Variants in DACH1 observed in about 807,000 individuals in gnomAD.
The protein encoded by DACH1 is dachshund homolog 1.
A neutral mutation model predicts 54.2 loss-of-function variants in DACH1; 12 were observed. The observed-to-expected ratio is 0.22, with a 90% CI of 0.14 to 0.36. DACH1 has a LOEUF of 0.36. Among genes scored for constraint, DACH1 ranks in the 10% least tolerant of loss-of-function variants. The probability of loss-of-function intolerance (pLI) is 1.00; values close to 1 mark genes in which losing one functional copy is unlikely to be tolerated. For missense variants in DACH1, 805 were observed against 929.8 expected (o/e 0.87, Z 1.75); for synonymous variants, 386 against 366.2 (o/e 1.05, Z -0.62).
chr13:71,796,246 A>C (rs980590695), intron 1 of DACH1, among the ~76,000 whole-genome samples: 2 of 152,194 alleles, frequency 1.3e-5, no homozygotes, highest in African/African-American at 4.8e-5. Context: ...AATATCATTA[A>C]AACTTAAAGG....
intron 1 of DACH1, among the ~76,000 whole-genome samples, chr13:71,774,527 A>G (rs1359965515): frequency 1.3e-5 from 2 of 152,152 alleles, no homozygotes; most frequent in Non-Finnish European, 2.9e-5. Context: ...ACACCTCCTG[A>G]GTGCATATTA....
intron 6 of DACH1, among the ~76,000 whole-genome samples, chr13:71,504,790 T>A (rs1344485799): frequency 6.6e-6 from 1 of 152,202 alleles, no homozygotes; most frequent in Non-Finnish European, 1.5e-5. Context: ...GCTACCATTA[T>A]TACTACTTGA....
At chr13:71,523,968 T>G (rs1484405080) in intron 6 of DACH1, among the ~76,000 whole-genome samples, 2 of 152,130 alleles carry the variant, frequency 1.3e-5, no homozygotes, top group Middle Eastern at 6.3e-3. Flanking sequence ...TTAGTTTATA[T>G]TCAGCAAGTA....
In DACH1 at chr13:71,754,065, A is replaced by C. The variant is rs555964027; in HGVS notation, c.849-72155T>G. Among the ~76,000 whole-genome samples the C allele has an allele frequency of 7.0e-4, 106 of 152,328 alleles. 1 individual carries two copies. The highest frequency in any genetic ancestry group is 1.4e-3 in the Non-Finnish European group (92 of 68,026). On this transcript the variant is annotated intron_variant, in intron 1 of 10. Coordinates refer to ENST00000613252, the MANE Select transcript of DACH1 (RefSeq NM_080759.6). ...TTATCTTTTTTAATGTACTCTATAC[A>C]TCATCCACTGGAGTATTACTTTTAT...
At chr13:71,828,576 C>T (rs1272068707) in intron 1 of DACH1, among the ~76,000 whole-genome samples, 1 of 151,948 alleles carries the variant, frequency 6.6e-6, no homozygotes, top group Admixed American at 6.6e-5. Flanking sequence ...GAAACATTAG[C>T]GTAAGCATAA....
rs181579973 is a variant in DACH1, at chr13:71,815,324, G to T, written c.848+50598C>A. ...AGTATTCATGTTGTTCTTAAAAAAG[G>T]GGGTGGGCGGGGGGAGTAGCTGAGC... On this transcript the variant is annotated intron_variant, in intron 1 of 10. Transcript: ENST00000613252. Among the ~76,000 whole-genome samples, 56 of 151,264 alleles carry T rather than the reference G, an allele frequency of 3.7e-4. 1 individual carries two copies. The highest frequency in any genetic ancestry group is 6.8e-3 in the Middle Eastern group (2 of 294).
chr13:71,828,094 C>T (rs567843806), intron 1 of DACH1, among the ~76,000 whole-genome samples: 2 of 152,062 alleles, frequency 1.3e-5, no homozygotes, highest in East Asian at 3.9e-4. Context: ...AAATTGATTG[C>T]CTTTAATGCT....
At chr13:71,544,404 T>A (rs1883333563) in intron 6 of DACH1, among the ~76,000 whole-genome samples, 1 of 152,172 alleles carries the variant, frequency 6.6e-6, no homozygotes, top group South Asian at 2.1e-4. Context: ...TACGTCCTTT[T>A]GTTTAACATT....
chr13:71,654,232 A>T (rs1878885821), intron 2 of DACH1, among the ~76,000 whole-genome samples: 1 of 151,502 alleles, frequency 6.6e-6, no homozygotes, highest in African/African-American at 2.4e-5. Context: ...TTTACTAAAA[A>T]TACAAAAATA....
At chr13:71,755,218 C>T (rs1885094261) in intron 1 of DACH1, among the ~76,000 whole-genome samples, 1 of 152,008 alleles carries the variant, frequency 6.6e-6, no homozygotes, top group Non-Finnish European at 1.5e-5. Context: ...CAAGAAAAAT[C>T]TGTTTATGAG....
chr13:71,653,380 A>G (rs1216394582), intron 2 of DACH1, among the ~76,000 whole-genome samples: 1 of 152,250 alleles, frequency 6.6e-6, no homozygotes, highest in Non-Finnish European at 1.5e-5. Context: ...GCCTGAGTGA[A>G]GTATGACCGT....
intron 2 of DACH1, among the ~76,000 whole-genome samples, chr13:71,659,032 C>T (rs755433868): frequency 2.0e-5 from 3 of 151,970 alleles, no homozygotes; most frequent in Non-Finnish European, 4.4e-5. Context: ...AAAAGAAATG[C>T]CTTTTAACCA....
At chr13:71,492,407 C>G (rs1306409696) in intron 6 of DACH1, among the ~76,000 whole-genome samples, 1 of 152,006 alleles carries the variant, frequency 6.6e-6, no homozygotes, top group Non-Finnish European at 1.5e-5. Flanking sequence ...AGAGAAGACA[C>G]AGAGAAGAGA....
At chr13:71,780,271 C>T (rs1197838730) in intron 1 of DACH1, among the ~76,000 whole-genome samples, 1 of 151,958 alleles carries the variant, frequency 6.6e-6, no homozygotes, top group Admixed American at 6.6e-5. Flanking sequence ...TTCAGTGAGG[C>T]ATTTTAGAGT....
intron 1 of DACH1, among the ~76,000 whole-genome samples, chr13:71,790,476 C>T (rs1243684914): frequency 6.6e-6 from 1 of 152,002 alleles, no homozygotes; most frequent in African/African-American, 2.4e-5. Context: ...TGGCCTTTGG[C>T]ATAATGCAGG....
intron 1 of DACH1, among the ~76,000 whole-genome samples, chr13:71,848,386 C>G (rs1486695982): frequency 2.0e-5 from 3 of 152,104 alleles, no homozygotes; most frequent in Non-Finnish European, 1.5e-5. Context: ...GAATTCACAA[C>G]TTCCTTTAGA....
intron 6 of DACH1, 46 bp downstream of exon 6, chr13:71,556,978 A>T: frequency 6.6e-7 from 1 of 1,525,390 alleles, no homozygotes; most frequent in East Asian, 2.4e-5. Context: ...CTAGTTCTAA[A>T]ATCTATTGAA....
intron 6 of DACH1, among the ~76,000 whole-genome samples, chr13:71,509,351 T>C (rs1305636817): frequency 1.3e-5 from 2 of 152,086 alleles, no homozygotes; most frequent in African/African-American, 4.8e-5. Flanking sequence ...GGATGTGAAT[T>C]AAAACCAACT....
chr13:71,862,408 CAAGTTCATGCA>C (rs1021011078), intron 1 of DACH1, among the ~76,000 whole-genome samples: 2 of 151,924 alleles, frequency 1.3e-5, no homozygotes, highest in African/African-American at 4.8e-5. Context: ...TTGCAACAGC[CAAGTTCATGCA>C]ACTAATGTTT....
Sources: gnomAD v4.1 joint callset for allele counts (sites outside exome capture counted in the v4.1 genomes callset) on GRCh38, gnomAD v4.1.1 for gene constraint, MANE v1.5 for transcripts, NCBI Gene and HGNC (gene_info 2026-07-23, HGNC 2026-07-21) for gene names.